The following BCAR3 variants were observed in gnomAD, a reference collection of about 807,000 sequenced individuals.
The protein encoded by BCAR3 is BCAR3 adaptor protein, NSP family member, also known as breast cancer anti-estrogen resistance protein 3.
BCAR3 carries 37 observed loss-of-function variants against 80.1 expected under a neutral mutation model. The ratio of observed to expected loss-of-function variants is 0.46; its 90% CI spans 0.36 to 0.61. The LOEUF (loss-of-function observed/expected upper bound fraction) is 0.61. BCAR3 is among the 20% of genes least tolerant of loss of function. The pLI is 0.00. For missense variants in BCAR3, 978 were observed against 1,068.2 expected (o/e 0.92, Z 1.18); for synonymous variants, 389 against 418.9 (o/e 0.93, Z 0.87).
chr1:93,581,560 A>T (rs1673711804), intron 7 of BCAR3, among the ~76,000 whole-genome samples: 1 of 152,022 alleles, frequency 6.6e-6, no homozygotes. Context: ...ACAGGCGTGT[A>T]CCATCAAGCC....
At chr1:93,756,162 C>T (rs1258357313) in intron 2 of BCAR3, among the ~76,000 whole-genome samples, 1 of 152,190 alleles carries the variant, frequency 6.6e-6, no homozygotes, top group Non-Finnish European at 1.5e-5. Context: ...CTAAAAGAAC[C>T]AAATTAAGCT....
At chr1:93,749,711 C>T (rs1473469213) in intron 2 of BCAR3, among the ~76,000 whole-genome samples, 2 of 152,014 alleles carry the variant, frequency 1.3e-5, no homozygotes, top group Non-Finnish European at 2.9e-5. Context: ...ACATTACTTT[C>T]AAGTCAATTT....
chr1:93,735,452 C>T (rs1381381731), intron 2 of BCAR3, among the ~76,000 whole-genome samples: 1 of 152,192 alleles, frequency 6.6e-6, no homozygotes, highest in Non-Finnish European at 1.5e-5. Flanking sequence ...ACATCAGGCA[C>T]TTTTGCTTTC....
At chr1:93,714,247 C>T (rs946834906) in intron 2 of BCAR3, among the ~76,000 whole-genome samples, 10 of 152,230 alleles carry the variant, frequency 6.6e-5, no homozygotes, top group South Asian at 2.1e-4. Flanking sequence ...TCCCAAAGTG[C>T]TGGGATTACG....
At chr1:93,674,149 G>A (rs1374258310) in intron 2 of BCAR3, among the ~76,000 whole-genome samples, 2 of 152,224 alleles carry the variant, frequency 1.3e-5, no homozygotes, top group African/African-American at 4.8e-5. Flanking sequence ...AAGGAGGGAA[G>A]TAGGTGGGAG....
intron 2 of BCAR3, among the ~76,000 whole-genome samples, chr1:93,658,120 T>A (rs1647477315): frequency 6.6e-6 from 1 of 152,068 alleles, no homozygotes; most frequent in Admixed American, 6.6e-5. Context: ...TTTGTATTTT[T>A]AGTACAGATG....
intron 3 of BCAR3, among the ~76,000 whole-genome samples, chr1:93,690,940 C>G (rs965644663): frequency 1.3e-5 from 2 of 152,108 alleles, no homozygotes; most frequent in African/African-American, 4.8e-5. Context: ...GGGAATCTGA[C>G]TGAAAAAGTA....
chr1:93,745,922 G>A (rs1295154371), intron 2 of BCAR3, among the ~76,000 whole-genome samples: 1 of 152,184 alleles, frequency 6.6e-6, no homozygotes, highest in African/African-American at 2.4e-5. Context: ...CTCTGGGCAT[G>A]TTTCTGGGGG....
At chr1:93,748,663 A>C (rs1284461278) in intron 2 of BCAR3, among the ~76,000 whole-genome samples, 1 of 152,222 alleles carries the variant, frequency 6.6e-6, no homozygotes, top group African/African-American at 2.4e-5. Context: ...CTGCACAATT[A>C]AAAGCACCTC....
chr1:93,681,855 T>G (rs1017613214), upstream of BCAR3: 12 of 152,064 alleles, frequency 7.9e-5, no homozygotes, highest in East Asian at 1.9e-4. Context: ...CGGCGCGCAC[T>G]CCGGCCCTCA....
chr1:93,744,880 G>A (rs1037959371), intron 2 of BCAR3, among the ~76,000 whole-genome samples: 3 of 152,220 alleles, frequency 2.0e-5, no homozygotes, highest in African/African-American at 7.2e-5. Context: ...ACAAATGAAA[G>A]AGATTTGCCC....
chr1:93,797,338 G>A (rs1350283520), intron 2 of BCAR3, among the ~76,000 whole-genome samples: 2 of 152,052 alleles, frequency 1.3e-5, no homozygotes, highest in East Asian at 1.9e-4. Context: ...AACTTTTCTT[G>A]TAAATGTCTT....
intron 2 of BCAR3, among the ~76,000 whole-genome samples, chr1:93,809,501 C>T (rs915568167): frequency 1.1e-4 from 17 of 152,268 alleles, no homozygotes; most frequent in Admixed American, 6.5e-4. Context: ...GGCACGGTAG[C>T]TCATGCCTGT....
chr1:93,670,078 C>G (rs1164075861), intron 2 of BCAR3, among the ~76,000 whole-genome samples: 1 of 152,120 alleles, frequency 6.6e-6, no homozygotes, highest in African/African-American at 2.4e-5. Context: ...ATTCCAATAA[C>G]TTATGGAAAA....
intron 2 of BCAR3, among the ~76,000 whole-genome samples, chr1:93,844,641 C>T (rs1655077177): frequency 6.6e-6 from 1 of 151,952 alleles, no homozygotes; most frequent in Admixed American, 6.6e-5. Context: ...TACCTATAAA[C>T]TGCTTAGTTA....
chr1:93,817,152 A>G (rs1475907290), intron 2 of BCAR3, among the ~76,000 whole-genome samples: 1 of 152,160 alleles, frequency 6.6e-6, no homozygotes, highest in Non-Finnish European at 1.5e-5. Flanking sequence ...GCTTTATGTT[A>G]TCTTTTCAGC....
intron 3 of BCAR3, among the ~76,000 whole-genome samples, chr1:93,689,629 T>C (rs1194151018): frequency 2.6e-5 from 4 of 151,488 alleles, no homozygotes; most frequent in African/African-American, 4.9e-5. Flanking sequence ...GGGAGCTTGA[T>C]TATGGAAATG....
At chr1:93,837,844 C>G (rs1654822460) in intron 2 of BCAR3, among the ~76,000 whole-genome samples, 2 of 152,326 alleles carry the variant, frequency 1.3e-5, no homozygotes, top group Middle Eastern at 3.4e-3. Context: ...TGAGAATGGG[C>G]TCTGGCCCTT....
chr1:93,785,559 T>C (rs1226550933), intron 2 of BCAR3, among the ~76,000 whole-genome samples: 1 of 152,210 alleles, frequency 6.6e-6, no homozygotes, highest in African/African-American at 2.4e-5. Context: ...TTTGGATGTA[T>C]ACAAAAAGAT....
Sources: allele counts gnomAD v4.1 joint callset (sites outside exome capture counted in the v4.1 genomes callset), GRCh38; gene constraint gnomAD v4.1.1; transcripts MANE v1.5; gene names NCBI Gene and HGNC (gene_info 2026-07-23, HGNC 2026-07-21).